Variants in PLCB1 observed in about 807,000 individuals in gnomAD.
PLCB1 encodes 1-phosphatidylinositol 4,5-bisphosphate phosphodiesterase beta-1.
In PLCB1, 46 loss-of-function variants were observed where a neutral mutation model predicts 161.8. The ratio of observed to expected loss-of-function variants is 0.28; its 90% CI spans 0.22 to 0.36. The LOEUF is 0.36. PLCB1 is among the 10% of genes least tolerant of loss of function. PLCB1 has a pLI of 1.00. For synonymous variants in PLCB1, 517 were observed against 503.7 expected (o/e 1.03, Z -0.35); for missense variants, 1,016 against 1,472.5 (o/e 0.69, Z 5.07).
chr20:8,837,862 C>A (rs1986348334), intron 31 of PLCB1, among the ~76,000 whole-genome samples: 1 of 152,154 alleles, frequency 6.6e-6, no homozygotes, highest in South Asian at 2.1e-4. Flanking sequence ...CCCAGGGTGG[C>A]AGGGGCCAAG....
chr20:8,616,274 C>A (rs1988038146), intron 3 of PLCB1, among the ~76,000 whole-genome samples: 1 of 152,128 alleles, frequency 6.6e-6, no homozygotes, highest in African/African-American at 2.4e-5. Flanking sequence ...TTTCACCCAA[C>A]CTTCTCTACT....
chr20:8,638,117 A>C (rs6055960), intron 4 of PLCB1, among the ~76,000 whole-genome samples: 7 of 152,282 alleles, frequency 4.6e-5, no homozygotes, highest in African/African-American at 1.7e-4. Context: ...GATGGTCTCG[A>C]TCTCCTGACC....
chr20:8,749,868 C>A (rs962244503), intron 23 of PLCB1, among the ~76,000 whole-genome samples: 16 of 152,034 alleles, frequency 1.1e-4, no homozygotes, highest in Admixed American at 7.2e-4. Context: ...TTAGGTAGTT[C>A]TTTACTTTCA....
chr20:8,192,261 T>C (rs2051977857), intron 2 of PLCB1, among the ~76,000 whole-genome samples: 1 of 152,034 alleles, frequency 6.6e-6, no homozygotes, highest in Non-Finnish European at 1.5e-5. Context: ...ACCTATCTCA[T>C]GTTTGTTTTT....
intron 2 of PLCB1, among the ~76,000 whole-genome samples, chr20:8,180,785 T>TA (rs1362524859): frequency 6.6e-6 from 1 of 152,182 alleles, no homozygotes; most frequent in African/African-American, 2.4e-5. Context: ...TATCTGGTGA[T>TA]ATGGGATTGC....
chr20:8,812,464 A>T (rs1984873770), intron 31 of PLCB1, among the ~76,000 whole-genome samples: 2 of 152,136 alleles, frequency 1.3e-5, no homozygotes, highest in Admixed American at 1.3e-4. Context: ...CTGGGACAAG[A>T]CAAAGAGGCT....
In PLCB1 at chr20:8,647,897, C is replaced by G; in HGVS notation, c.465-3C>G. 6.2e-7 allele frequency: 1 copy of G among 1,608,316 alleles called. No homozygotes were observed. Among genetic ancestry groups the G allele is most frequent in the South Asian group, 1.1e-5 (1 of 90,348 alleles). ...AACCCTTGTTTTTCTGCTTCTCCAA[C>G]AGCTATACTAAACTTAAGCTGCAAG... On this transcript the variant is annotated splice_region_variant and splice_polypyrimidine_tract_variant and intron_variant, in intron 5 of 31. Transcript: ENST00000338037.
intron 3 of PLCB1, among the ~76,000 whole-genome samples, chr20:8,558,710 C>T (rs1986045179): frequency 6.6e-6 from 1 of 151,822 alleles, no homozygotes; most frequent in African/African-American, 2.4e-5. Context: ...TAATCACATA[C>T]AAATGATCTT....
chr20:8,276,926 T>TTTCTTCTTCCTCTTCTTC (rs1474129969), intron 2 of PLCB1, among the ~76,000 whole-genome samples: 17 of 104,826 alleles, frequency 1.6e-4, no homozygotes, highest in African/African-American at 4.7e-4. Context: ...GTCTTCTTCT[T>TTTCTTCTTCCTCTTCTTC]TTCTTCTTCT....
intron 3 of PLCB1, among the ~76,000 whole-genome samples, chr20:8,528,427 C>T (rs1329576891): frequency 6.6e-6 from 1 of 152,016 alleles, no homozygotes; most frequent in Non-Finnish European, 1.5e-5. Flanking sequence ...AAAAGTTATT[C>T]CATTCATAAC....
chr20:8,432,973 C>T (rs1487059379), intron 3 of PLCB1, among the ~76,000 whole-genome samples: 1 of 152,230 alleles, frequency 6.6e-6, no homozygotes, highest in African/African-American at 2.4e-5. Context: ...TTCTTGATCA[C>T]ACGTGGTATC....
At chr20:8,533,792 A>C (rs1036990868) in intron 3 of PLCB1, among the ~76,000 whole-genome samples, 2 of 151,876 alleles carry the variant, frequency 1.3e-5, no homozygotes, top group African/African-American at 4.8e-5. Flanking sequence ...AGGTTGCGGA[A>C]ATTTTCTCCC....
At chr20:8,872,385 A>C (rs976026589) in intron 31 of PLCB1, among the ~76,000 whole-genome samples, 2 of 152,048 alleles carry the variant, frequency 1.3e-5, no homozygotes, top group African/African-American at 4.8e-5. Flanking sequence ...ACTGATCACC[A>C]TTTCACTCCT....
At chr20:8,260,749 G>A (rs67818593) in intron 2 of PLCB1, among the ~76,000 whole-genome samples, 11,419 of 152,120 alleles carry the variant, frequency 0.075, 513 homozygotes, top group East Asian at 0.16. Flanking sequence ...TTGTGGGAGC[G>A]TGGTTAGCAG....
intron 2 of PLCB1, among the ~76,000 whole-genome samples, chr20:8,289,651 A>G (rs1016686607): frequency 1.3e-5 from 2 of 152,170 alleles, no homozygotes; most frequent in African/African-American, 4.8e-5. Context: ...CTATTGAAAG[A>G]TGAAGTTATA....
intron 3 of PLCB1, among the ~76,000 whole-genome samples, chr20:8,425,279 A>G (rs530220482): frequency 1.2e-4 from 18 of 152,300 alleles, no homozygotes; most frequent in Non-Finnish European, 2.5e-4. Context: ...TATTGCAGAC[A>G]GCCAACTTCC....
intron 2 of PLCB1, among the ~76,000 whole-genome samples, chr20:8,264,202 C>T (rs1283723926): frequency 6.6e-6 from 1 of 152,004 alleles, no homozygotes; most frequent in Non-Finnish European, 1.5e-5. Flanking sequence ...CACACATTAA[C>T]CTACTCAGAC....
chr20:8,407,070 T>TA (rs1263729786), intron 3 of PLCB1, among the ~76,000 whole-genome samples: 1 of 152,190 alleles, frequency 6.6e-6, no homozygotes, highest in Non-Finnish European at 1.5e-5. Flanking sequence ...TTTTAACTGT[T>TA]ACACATAACC....
intron 3 of PLCB1, among the ~76,000 whole-genome samples, chr20:8,450,602 T>C (rs143792122): frequency 1.4e-4 from 21 of 152,286 alleles, no homozygotes; most frequent in African/African-American, 3.6e-4. Flanking sequence ...CTTTGATCAG[T>C]GCTTCAAGCA....
Sources: gnomAD v4.1 joint callset for allele counts (sites outside exome capture counted in the v4.1 genomes callset) on GRCh38, gnomAD v4.1.1 for gene constraint, MANE v1.5 for transcripts, NCBI Gene and HGNC (gene_info 2026-07-23, HGNC 2026-07-21) for gene names.